The following XK variants were observed in gnomAD, a reference collection of about 807,000 sequenced individuals.
The protein encoded by XK is X-linked Kx blood group antigen, Kell and VPS13A binding protein.
Under a neutral mutation model 14.0 loss-of-function variants are expected in XK, and 2 were observed. That is an observed-to-expected ratio of 0.14 (90% CI 0.06 to 0.45). The LOEUF is 0.45. XK is among the 20% of genes least tolerant of loss of function. The probability of loss-of-function intolerance (pLI) is 0.98; values close to 1 mark genes in which losing one functional copy is unlikely to be tolerated. For synonymous variants in XK, 149 were observed against 147.5 expected (o/e 1.01, Z -0.08); for missense variants, 235 against 341.5 (o/e 0.69, Z 2.46).
At chrX:37,707,705 G>A (rs782459341) in intron 2 of XK, among the ~76,000 whole-genome samples, 5 of 109,514 alleles carry the variant, frequency 4.6e-5, no homozygotes, top group South Asian at 7.9e-4. Context: ...GGGAAGAGGC[G>A]CTCCTCACTT....
intron 2 of XK, among the ~76,000 whole-genome samples, chrX:37,707,877 C>T (rs782375382): frequency 8.9e-6 from 1 of 112,283 alleles, no homozygotes; most frequent in African/African-American, 3.2e-5. Flanking sequence ...GAGGTTGTAG[C>T]AAGCCAAGAT....
At chrX:37,711,270 G>A (rs782748989) in intron 2 of XK, among the ~76,000 whole-genome samples, 6 of 112,284 alleles carry the variant, frequency 5.3e-5, no homozygotes, top group Non-Finnish European at 9.4e-5. Context: ...GCTCTGAGCC[G>A]TATGTCCATG....
chrX:37,718,042 A>G (rs922397469), intron 2 of XK, among the ~76,000 whole-genome samples: 7 of 111,837 alleles, frequency 6.3e-5, no homozygotes, highest in African/African-American at 2.3e-4. Flanking sequence ...CCTACTAAGT[A>G]TAGTAATAGT....
intron 2 of XK, among the ~76,000 whole-genome samples, chrX:37,696,120 T>C (rs1375927735): frequency 1.8e-5 from 2 of 112,137 alleles, no homozygotes; most frequent in Non-Finnish European, 3.8e-5. Context: ...CTACATCCCA[T>C]GGGCCTAATC....
intron 2 of XK, among the ~76,000 whole-genome samples, chrX:37,701,984 C>T (rs2281540): frequency 0.2 from 22,539 of 111,362 alleles, 1,785 homozygotes; most frequent in African/African-American, 0.29. Context: ...CCCAGCTTGG[C>T]CTTTGGCTAA....
At chrX:37,715,598 C>A (rs902706109) in intron 2 of XK, among the ~76,000 whole-genome samples, 22 of 111,232 alleles carry the variant, frequency 2.0e-4, no homozygotes, top group African/African-American at 4.9e-4. Context: ...ATTGCAAATC[C>A]AAGAAAGAAA....
chrX:37,697,884 T>C (rs1026682381), intron 2 of XK, among the ~76,000 whole-genome samples: 1 of 112,307 alleles, frequency 8.9e-6, no homozygotes, highest in Admixed American at 9.4e-5. Flanking sequence ...TGGATTTGAC[T>C]ATTATGAATC....
Position 37,694,356 on chromosome X carries a change from A to G in XK, c.316A>G (p.Lys106Glu). The change falls in exon 2 of 3, where the codon AAG becomes GAG. Residue 106 changes from lysine (K) to glutamate (E), a missense_variant. Physicochemically the swap from Lys to Glu is moderately conservative, Grantham distance 56 (BLOSUM62 1). Transcript: ENST00000378616. The part of the protein sequence containing the change: ...NEEPYVSITK[K>E]RQMPKNGLSE... The stretch of plus-strand genomic sequence containing the variant: ...AGAGCCTTATGTCAGTATCACCAAG[A>G]AGAGGCAAATGCCAAAAAATGGCCT... 2 of 1,210,774 alleles carry G rather than the reference A, an allele frequency of 1.7e-6. No homozygotes were observed. The highest frequency in any genetic ancestry group is 2.2e-6 in the Non-Finnish European group (2 of 894,763).
chrX:37,711,585 T>C (rs1927667871), intron 2 of XK, among the ~76,000 whole-genome samples: 1 of 112,101 alleles, frequency 8.9e-6, no homozygotes, highest in Non-Finnish European at 1.9e-5. Flanking sequence ...GCTATAGTGG[T>C]AACCAGTTTA....
chrX:37,717,746 C>T (rs1426063344), intron 2 of XK, among the ~76,000 whole-genome samples: 6 of 111,816 alleles, frequency 5.4e-5, no homozygotes, highest in African/African-American at 1.9e-4. Flanking sequence ...TTTGACTAAA[C>T]ATCTGGTAAA....
intron 2 of XK, among the ~76,000 whole-genome samples, chrX:37,716,709 A>T (rs1322597973): frequency 3.6e-5 from 4 of 111,725 alleles, no homozygotes; most frequent in Non-Finnish European, 7.6e-5. Flanking sequence ...GTTAGATACC[A>T]TTTTGCTGCT....
At chrX:37,719,432 C>A (rs1927828183) in intron 2 of XK, among the ~76,000 whole-genome samples, 1 of 110,620 alleles carries the variant, frequency 9.0e-6, no homozygotes, top group Admixed American at 9.7e-5. Context: ...TCTTTTCTCT[C>A]TCTTTCTCTC....
intron 2 of XK, among the ~76,000 whole-genome samples, chrX:37,695,467 G>A (rs1401824291): frequency 9.0e-6 from 1 of 110,722 alleles, no homozygotes; most frequent in Non-Finnish European, 1.9e-5. Flanking sequence ...TTGCATCAGA[G>A]TCAAGATTTT....
intron 2 of XK, among the ~76,000 whole-genome samples, chrX:37,709,645 A>G (rs1007703860): frequency 8.9e-6 from 1 of 112,338 alleles, no homozygotes; most frequent in African/African-American, 3.2e-5. Context: ...CTAGGATAAT[A>G]CATTTTTTAA....
intron 1 of XK, among the ~76,000 whole-genome samples, chrX:37,693,699 C>A (rs1183514575): frequency 9.0e-6 from 1 of 111,720 alleles, no homozygotes; most frequent in Non-Finnish European, 1.9e-5. Context: ...GTTGTGGTCT[C>A]CCAGTGAAAT....
At chrX:37,700,477 TGTCCTTGAGAC>T (rs1927390121) in intron 2 of XK, among the ~76,000 whole-genome samples, 1 of 112,045 alleles carries the variant, frequency 8.9e-6, no homozygotes, top group Non-Finnish European at 1.9e-5. Context: ...GGGTTGGAGG[TGTCCTTGAGAC>T]ATCCAGGAGA....
chrX:37,728,621 G>A lies in XK; in HGVS notation c.*159G>A. On this transcript the variant is annotated 3_prime_UTR_variant, in exon 3 of 3. Transcript: ENST00000378616. ...ATAGAGCTCTTGGGTATGTAGAACT[G>A]TATGGGAAGAAGCCAGGAAAACCTC... is the stretch of plus-strand genomic sequence containing the variant. 5.3e-6 allele frequency: 3 copies of A among 561,124 alleles called. No homozygotes were observed. The highest frequency in any genetic ancestry group is 2.9e-6 in the Non-Finnish European group (1 of 348,232). 46.2% of individuals were successfully genotyped at this position (561,124 alleles called of 1,213,427 possible).
intron 1 of XK, among the ~76,000 whole-genome samples, chrX:37,687,202 C>T (rs1210366225): frequency 9.3e-6 from 1 of 107,580 alleles, no homozygotes; most frequent in Non-Finnish European, 1.9e-5. Flanking sequence ...CTTACACACA[C>T]ACACACACAC....
At chrX:37,694,833 CAT>C (rs1211149297) in intron 2 of XK, among the ~76,000 whole-genome samples, 1 of 112,066 alleles carries the variant, frequency 8.9e-6, no homozygotes, top group African/African-American at 3.3e-5. Context: ...CCTTCACTCA[CAT>C]GTCTTGTTGT....
Sources: allele counts gnomAD v4.1 joint callset (sites outside exome capture counted in the v4.1 genomes callset), GRCh38; gene constraint gnomAD v4.1.1; transcripts MANE v1.5; gene names NCBI Gene and HGNC (gene_info 2026-07-23, HGNC 2026-07-21).